The following PLCB1 variants were observed in gnomAD, a reference collection of about 807,000 sequenced individuals.
PLCB1 encodes phospholipase C beta 1.
PLCB1 carries 46 observed loss-of-function variants against 161.8 expected under a neutral mutation model. That is an observed-to-expected ratio of 0.28 (90% CI 0.22 to 0.36). The LOEUF (loss-of-function observed/expected upper bound fraction) is 0.36, where lower values mean the gene tolerates loss of function less well. Ranked by LOEUF, PLCB1 falls within the 10% of genes least tolerant of loss-of-function variation. The pLI, the probability that PLCB1 is intolerant of heterozygous loss-of-function variation, is 1.00. For synonymous variants in PLCB1, 517 were observed against 503.7 expected (o/e 1.03, Z -0.35); for missense variants, 1,016 against 1,472.5 (o/e 0.69, Z 5.07).
intron 3 of PLCB1, among the ~76,000 whole-genome samples, chr20:8,448,667 A>T (rs1351589589): frequency 6.6e-6 from 1 of 152,242 alleles, no homozygotes; most frequent in Non-Finnish European, 1.5e-5. Context: ...TATCTCAGGG[A>T]TAATTCATTT....
intron 3 of PLCB1, among the ~76,000 whole-genome samples, chr20:8,387,977 T>TTAAAAA (rs1555802978): frequency 4.7e-5 from 6 of 126,800 alleles, no homozygotes; most frequent in South Asian, 2.5e-4. Context: ...CCACTTTTTT[T>TTAAAAA]AAAAAAAAAA....
At chr20:8,281,387 CCTT>C (rs2037708153) in intron 2 of PLCB1, among the ~76,000 whole-genome samples, 6 of 151,866 alleles carry the variant, frequency 4.0e-5, no homozygotes, top group African/African-American at 1.5e-4. Flanking sequence ...TTTTTTAAAA[CCTT>C]CTTAACATAG....
In PLCB1 at chr20:8,764,985, C is replaced by G. The variant is rs112748737; in HGVS notation, c.2711-154C>G. 0.021 allele frequency among the ~76,000 whole-genome samples: 3,177 copies of G among 152,258 alleles called. 41 individuals are homozygous for G. The highest frequency in any genetic ancestry group is 0.04 in the African/African-American group (1,660 of 41,534). On this transcript the variant is annotated intron_variant, in intron 25 of 31. Coordinates refer to ENST00000338037, the MANE Select transcript of PLCB1 (RefSeq NM_015192.4). ...TCTCAAAGTTAGCAAGTGATAGAGC[C>G]AGACTGGAACCCAGGTAGAGCTGAC...
Position 8,722,382 on chromosome 20 carries a change from CGAT to C in PLCB1, c.1554_1556del (p.Asp519del), listed in dbSNP as rs1169524091. On this transcript the variant is annotated inframe_deletion, in exon 15 of 32. Transcript: ENST00000338037. ...AAGCTGATACGGAAAGTGACGACGA[CGAT>C]GATGATGATGACTGTAAAAAATCTT... The C allele has an allele frequency of 1.2e-5, 20 of 1,610,338 alleles. No individual in the cohort carries two copies. Among genetic ancestry groups the C allele is most frequent in the African/African-American group, 2.7e-5 (2 of 74,712 alleles).
chr20:8,362,105 A>G (rs1986562643), intron 2 of PLCB1, among the ~76,000 whole-genome samples: 1 of 152,200 alleles, frequency 6.6e-6, no homozygotes, highest in African/African-American at 2.4e-5. Flanking sequence ...AACATCATTC[A>G]TTCTTCATCC....
intron 31 of PLCB1, among the ~76,000 whole-genome samples, chr20:8,795,950 T>A (rs1262686174): frequency 6.6e-6 from 1 of 151,812 alleles, no homozygotes; most frequent in Non-Finnish European, 1.5e-5. Flanking sequence ...AATATGCCAA[T>A]GTTTATTGAT....
chr20:8,562,083 C>T (rs1335315849), intron 3 of PLCB1, among the ~76,000 whole-genome samples: 1 of 152,008 alleles, frequency 6.6e-6, no homozygotes, highest in Non-Finnish European at 1.5e-5. Context: ...GAACTCATAG[C>T]TTAGCCAAAG....
intron 12 of PLCB1, among the ~76,000 whole-genome samples, chr20:8,710,143 C>G (rs918860585): frequency 7.3e-5 from 11 of 151,308 alleles, no homozygotes; most frequent in Admixed American, 2.0e-4. Flanking sequence ...ACAGGCTGTA[C>G]AGGAAGCATG....
intron 2 of PLCB1, among the ~76,000 whole-genome samples, chr20:8,284,512 A>T (rs1270547168): frequency 6.6e-6 from 1 of 152,126 alleles, no homozygotes; most frequent in Admixed American, 6.6e-5. Context: ...CTGAGGTAGG[A>T]GGATCTCTTG....
chr20:8,765,173 A>C lies in PLCB1; in HGVS notation c.2745A>C (p.Gln915His). The C allele has an allele frequency of 6.2e-7, 1 of 1,614,004 alleles. No homozygotes were observed. Among genetic ancestry groups the C allele is most frequent in the Non-Finnish European group, 8.5e-7 (1 of 1,179,988 alleles). Residue 915 changes from glutamine (Q) to histidine (H), a missense_variant, in exon 26 of 32, where the codon CAA (glutamine) becomes CAC (histidine). Coordinates refer to ENST00000338037, the MANE Select transcript of PLCB1 (RefSeq NM_015192.4). The stretch of plus-strand genomic sequence containing the variant: ...CACAGACCATCGAAGAACTAAAGCA[A>C]CAGAAATCGTTTGTGAAACTTCAAA... ...VEAQTIEELK[Q>H]QKSFVKLQKK...
intron 2 of PLCB1, among the ~76,000 whole-genome samples, chr20:8,255,893 T>C (rs1981383908): frequency 1.3e-5 from 2 of 152,124 alleles, no homozygotes; most frequent in African/African-American, 4.8e-5. Context: ...GGTGGTCTTA[T>C]AAGATTATAA....
At chr20:8,804,035 C>G (rs1019026354) in intron 31 of PLCB1, among the ~76,000 whole-genome samples, 3 of 152,002 alleles carry the variant, frequency 2.0e-5, no homozygotes, top group African/African-American at 7.2e-5. Context: ...TCAGGTGATC[C>G]GCCTGCCTCA....
At chr20:8,199,675 A>G (rs2052070225) in intron 2 of PLCB1, among the ~76,000 whole-genome samples, 1 of 152,130 alleles carries the variant, frequency 6.6e-6, no homozygotes. Flanking sequence ...AGTAACTGCA[A>G]ATAATTTTTC....
At chr20:8,742,333 C>T (rs894581360) in intron 23 of PLCB1, among the ~76,000 whole-genome samples, 2 of 152,024 alleles carry the variant, frequency 1.3e-5, no homozygotes, top group Admixed American at 1.3e-4. Context: ...AAATGGAGAA[C>T]TGTCAGTATT....
chr20:8,722,145 A>G (rs1600276226), intron 14 of PLCB1, among the ~76,000 whole-genome samples: 2 of 80,264 alleles, frequency 2.5e-5, no homozygotes, highest in East Asian at 9.2e-4. Flanking sequence ...GCTATTTATT[A>G]ACAAATCCAG....
chr20:8,412,965 A>G (rs1979109241), intron 3 of PLCB1, among the ~76,000 whole-genome samples: 3 of 152,044 alleles, frequency 2.0e-5, no homozygotes, highest in Admixed American at 6.6e-5. Flanking sequence ...CCAAAAAAAA[A>G]AAAAAACCAA....
intron 2 of PLCB1, among the ~76,000 whole-genome samples, chr20:8,172,979 CA>C (rs1309124029): frequency 6.6e-6 from 1 of 152,192 alleles, no homozygotes; most frequent in Non-Finnish European, 1.5e-5. Flanking sequence ...CCAGTGTCAA[CA>C]GGGAAGCCCA....
intron 2 of PLCB1, among the ~76,000 whole-genome samples, chr20:8,181,068 T>A (rs1360587808): frequency 6.6e-6 from 1 of 151,524 alleles, no homozygotes; most frequent in Non-Finnish European, 1.5e-5. Context: ...CTGGCCAACA[T>A]GGCGAAACCC....
intron 4 of PLCB1, among the ~76,000 whole-genome samples, chr20:8,643,913 G>A (rs1280631931): frequency 6.6e-5 from 10 of 152,164 alleles, no homozygotes; most frequent in Admixed American, 1.3e-4. Context: ...TCCTGCCTCA[G>A]CCTGCCCAGT....
Sources: gnomAD v4.1 joint callset for allele counts (sites outside exome capture counted in the v4.1 genomes callset) on GRCh38, gnomAD v4.1.1 for gene constraint, MANE v1.5 for transcripts, NCBI Gene and HGNC (gene_info 2026-07-23, HGNC 2026-07-21) for gene names.